Variants in LRP8 observed in about 807,000 individuals in gnomAD.
LRP8 encodes the protein low-density lipoprotein receptor-related protein 8.
LRP8 carries 46 observed loss-of-function variants against 111.6 expected under a neutral mutation model. The ratio of observed to expected loss-of-function variants is 0.41; its 90% CI spans 0.33 to 0.53. LRP8 has a LOEUF of 0.53. Ranked by LOEUF, LRP8 falls within the 20% of genes least tolerant of loss-of-function variation. The pLI, the probability that LRP8 is intolerant of heterozygous loss-of-function variation, is 0.20. For missense variants in LRP8, 959 were observed against 1,297.4 expected, an observed-to-expected ratio of 0.74 and a Z score of 4.01; for synonymous variants, 464 against 511.2, an observed-to-expected ratio of 0.91 and a Z score of 1.24.
At position 53,250,866 on chromosome 1, in the gene LRP8, G is replaced by A; in HGVS notation, c.2504-4C>T. 1 of 1,613,988 alleles carries A rather than the reference G, an allele frequency of 6.2e-7. No individual in the cohort carries two copies. Among genetic ancestry groups the A allele is most frequent in the East Asian group, 2.2e-5 (1 of 44,874 alleles). Reference sequence around the variant, plus strand: ...ATGCACAGGAGGGCTATCACCACTGGAGGAAGGACACAGGACACTGGACCT... The same window carrying A: ...ATGCACAGGAGGGCTATCACCACTGAAGGAAGGACACAGGACACTGGACCT... On this transcript the variant is annotated splice_polypyrimidine_tract_variant and splice_region_variant and intron_variant, in intron 16 of 18. Coordinates refer to ENST00000306052, the MANE Select transcript of LRP8 (RefSeq NM_004631.5). This position sits in a 1 kb window ranked among gnomAD's most constrained non-coding sequence, Gnocchi z 4.6.
intron 2 of LRP8, among the ~76,000 whole-genome samples, chr1:53,308,340 C>T (rs556209220): frequency 1.3e-5 from 2 of 152,334 alleles, no homozygotes; most frequent in African/African-American, 4.8e-5. Flanking sequence ...GCCAGAATTT[C>T]ATTCTCACCC....
Position 53,257,336 on chromosome 1 carries a change from G to A in LRP8, c.2338C>T (p.Leu780=). ...YQNHSTETPS[L]TAAVPSSVSV... ...ACTGAGCTTGGGACTGCAGCTGTCA[G>A]GCTTGGTGTCTCTGTGCTGTGGTTC... Residue 780 remains leucine (L), a synonymous_variant, in exon 15 of 19, where the codon CTG becomes TTG. Transcript: ENST00000306052. The A allele has an allele frequency of 6.2e-7, 1 of 1,614,198 alleles. No individual in the cohort carries two copies. The highest frequency in any genetic ancestry group is 1.3e-5 in the African/African-American group (1 of 75,048).
chr1:53,255,201 AT>A lies in LRP8; in HGVS notation c.2435-17del. 6.2e-7 allele frequency: 1 copy of A among 1,610,540 alleles called. No homozygotes were observed. The highest frequency in any genetic ancestry group is 8.5e-7 in the Non-Finnish European group (1 of 1,178,006). On this transcript the variant is annotated splice_polypyrimidine_tract_variant and intron_variant, in intron 15 of 18. Coordinates refer to ENST00000306052, the MANE Select transcript of LRP8 (RefSeq NM_004631.5). ...TCATTTGCATCTGCAAAACACAAAC[AT>A]TTGCAGAATGATGCTCTATCACTGT...
chr1:53,270,846 T>C (rs1447007888), intron 8 of LRP8, among the ~76,000 whole-genome samples, 182 bp downstream of exon 8: 1 of 152,226 alleles, frequency 6.6e-6, no homozygotes, highest in Non-Finnish European at 1.5e-5. Context: ...TGTTACTAAT[T>C]GTCTCTTGGC....
At chr1:53,274,597 G>T (rs958506684) in intron 6 of LRP8, 7 of 431,088 alleles carry the variant, frequency 1.6e-5, no homozygotes, top group Non-Finnish European at 2.4e-5. Context: ...GGTCAGAGCA[G>T]AAAGTGTCAG....
chr1:53,246,686 G>T lies in LRP8; in HGVS notation c.*332C>A. ...TCTTCTGTAAATATAGTTTTTAAAT[G>T]ATGAGTAAGGTACTGTGCCATTGGC... is the stretch of plus-strand genomic sequence containing the variant. On this transcript the variant is annotated 3_prime_UTR_variant, in exon 19 of 19. Transcript: ENST00000306052. 4.4e-6 allele frequency: 1 copy of T among 226,882 alleles called. No homozygotes were observed. The highest frequency in any genetic ancestry group is 8.6e-6 in the Non-Finnish European group (1 of 116,056). 14.1% of individuals were successfully genotyped at this position (226,882 alleles called of 1,614,324 possible). A position where few individuals can be genotyped will look rare whatever the true frequency, so the allele number is the denominator to read the frequency against.
At chr1:53,310,427 G>A (rs1652778181) in intron 2 of LRP8, among the ~76,000 whole-genome samples, 1 of 152,160 alleles carries the variant, frequency 6.6e-6, no homozygotes, top group South Asian at 2.1e-4. Context: ...TTTCTCCTCT[G>A]TAAATGGGGG....
At chr1:53,297,280 G>A (rs1456085303) in intron 2 of LRP8, among the ~76,000 whole-genome samples, 4 of 152,202 alleles carry the variant, frequency 2.6e-5, no homozygotes, top group East Asian at 1.9e-4. Context: ...CGGAGATGTC[G>A]ATAAGCTGCG....
intron 2 of LRP8, among the ~76,000 whole-genome samples, chr1:53,320,463 C>A (rs925721621): frequency 2.0e-5 from 3 of 152,176 alleles, no homozygotes; most frequent in African/African-American, 4.8e-5. Context: ...GCCTTAGTTT[C>A]ACCTTTCTAA....
chr1:53,261,284 C>T (rs191570854), intron 12 of LRP8, among the ~76,000 whole-genome samples: 2 of 152,194 alleles, frequency 1.3e-5, no homozygotes, highest in African/African-American at 2.4e-5. Context: ...CATGTACATG[C>T]CATGTATATA....
At chr1:53,300,398 C>T (rs1557836109) in intron 2 of LRP8, among the ~76,000 whole-genome samples, 1 of 152,202 alleles carries the variant, frequency 6.6e-6, no homozygotes, top group Non-Finnish European at 1.5e-5. Flanking sequence ...ATGAGTGGAT[C>T]CCAGCCCAGG....
chr1:53,276,754 T>G lies in LRP8; in HGVS notation c.821A>C (p.His274Pro). 6.7e-7 allele frequency: 1 copy of G among 1,484,108 alleles called. No homozygotes were observed. Among genetic ancestry groups the G allele is most frequent in the Non-Finnish European group, 9.0e-7 (1 of 1,116,904 alleles). The allele number at this position is 1,484,108 out of a possible 1,614,324, so 91.9% of individuals were successfully genotyped here. A position where few individuals can be genotyped will look rare whatever the true frequency, so the allele number is the denominator to read the frequency against. ...GTCGCCGTCGCAGCGCCAGCCCAGG[T>G]GCACGCACTCGCCGCTGCGGCAGGC... is the stretch of plus-strand genomic sequence containing the variant. ...QFACRSGECV[H>P]LGWRCDGDRD... The change falls in exon 5 of 19, where the codon CAC (histidine) becomes CCC (proline). Residue 274 changes from histidine (H) to proline (P), a missense_variant. Coordinates refer to ENST00000306052, the MANE Select transcript of LRP8 (RefSeq NM_004631.5).
chr1:53,255,263 C>T, intron 15 of LRP8, 78 bp from the exon 16 acceptor site: 2 of 1,183,504 alleles, frequency 1.7e-6, no homozygotes, highest in South Asian at 2.5e-5. Flanking sequence ...GTGGTAAGAA[C>T]TACCCAACTG....
chr1:53,283,141 C>T (rs780993087), intron 3 of LRP8, among the ~76,000 whole-genome samples: 2 of 152,108 alleles, frequency 1.3e-5, no homozygotes, highest in South Asian at 2.1e-4. Flanking sequence ...TAAGCCATAA[C>T]AGTACAGCTC....
At chr1:53,260,661 G>C in intron 12 of LRP8, 56 bp from the exon 13 acceptor site, 1 of 1,572,458 alleles carries the variant, frequency 6.4e-7, no homozygotes, top group Non-Finnish European at 8.7e-7. Context: ...CATGACCTCA[G>C]TCTGAGGGGT....
At chr1:53,304,659 G>A (rs1373867581) in intron 2 of LRP8, 1 of 152,416 alleles carries the variant, frequency 6.6e-6, no homozygotes, top group Non-Finnish European at 1.5e-5. Flanking sequence ...GTCTCCAGGT[G>A]TTGGTTCTGG....
At chr1:53,269,960 C>T (rs983776262) in intron 8 of LRP8, among the ~76,000 whole-genome samples, 4 of 150,342 alleles carry the variant, frequency 2.7e-5, no homozygotes, top group Non-Finnish European at 5.9e-5. Flanking sequence ...TGTAGGTCTG[C>T]CCAGGTCGTG....
At chr1:53,318,732 T>C (rs147380169) in intron 2 of LRP8, among the ~76,000 whole-genome samples, 1,798 of 152,292 alleles carry the variant, frequency 0.012, 40 homozygotes, top group African/African-American at 0.042. Flanking sequence ...ACTACTGTTA[T>C]TGCCATAGAA....
intron 2 of LRP8, among the ~76,000 whole-genome samples, chr1:53,290,261 AC>A (rs1648451527): frequency 6.6e-6 from 1 of 151,454 alleles, no homozygotes; most frequent in South Asian, 2.1e-4. Context: ...CTGCAGGGTG[AC>A]CTCCACACTG....
Sources: gnomAD v4.1 joint callset for allele counts (sites outside exome capture counted in the v4.1 genomes callset) on GRCh38, gnomAD v4.1.1 for gene constraint, Gnocchi (gnomAD v3.1) non-coding constraint, MANE v1.5 for transcripts, NCBI Gene and HGNC (gene_info 2026-07-23, HGNC 2026-07-21) for gene names.